PCDHGB2: variants seen among roughly 807,000 people sequenced by gnomAD.
The protein encoded by PCDHGB2 is protocadherin gamma subfamily B, 2.
In PCDHGB2, 55 loss-of-function variants were observed where a neutral mutation model predicts 59.3. The observed-to-expected ratio is 0.93, with a 90% confidence interval of 0.75 to 1.16. The LOEUF is 1.16. Among genes scored for constraint, PCDHGB2 ranks in the 50% most tolerant of loss-of-function variants. The pLI, the probability that PCDHGB2 is intolerant of heterozygous loss-of-function variation, is 0.00. For missense variants in PCDHGB2, 1,228 were observed against 1,198.5 expected (o/e 1.02, Z -0.36); for synonymous variants, 516 against 512.0 (o/e 1.01, Z -0.11).
intron 1 of PCDHGB2, chr5:141,478,489 C>G (rs779457709): frequency 5.6e-6 from 9 of 1,613,162 alleles, no homozygotes; most frequent in Middle Eastern, 1.6e-4. Flanking sequence ...CGCTGCGGAG[C>G]TGTGATCCGG....
chr5:141,410,817 ATGTCACCAGACTGAAGATATTTTGTCTT>A, intron 1 of PCDHGB2: 1 of 524,252 alleles, frequency 1.9e-6, no homozygotes, highest in Non-Finnish European at 3.1e-6. Flanking sequence ...TTGTAAAATA[ATGTCACCAGACTGAAGATATTTTGTCTT>A]TGTCTTTTTT....
rs552017054 is a variant in PCDHGB2 at position 141,425,594 on chromosome 5, A to G, written c.2421+63038A>G. On this transcript the variant is annotated intron_variant, in intron 1 of 3. Transcript: ENST00000522605. ...GGGTTTGGCTAACTTTATTCTGAAT[A>G]TGCCCTATATAGCTTTCAGTGCTCC... 2.6e-5 allele frequency among the ~76,000 whole-genome samples: 4 copies of G among 152,370 alleles called. No homozygotes were observed. In the South Asian group the frequency reaches 8.3e-4, roughly 32 times the overall value.
intron 1 of PCDHGB2, among the ~76,000 whole-genome samples, chr5:141,446,022 T>C (rs2098484874): frequency 1.3e-5 from 2 of 152,198 alleles, no homozygotes; most frequent in Admixed American, 1.3e-4. Flanking sequence ...TATGGCAATA[T>C]TCCTGGTAAG....
At position 141,362,582 on chromosome 5, in the gene PCDHGB2, C is replaced by T. The variant is rs1227713684; in HGVS notation, c.2421+26C>T. 3 of 1,600,324 alleles carry T rather than the reference C, an allele frequency of 1.9e-6. No individual in the cohort carries two copies. In the African/African-American group the frequency reaches 4.0e-5, roughly 22 times the overall value. On this transcript the variant is annotated intron_variant, in intron 1 of 3. Transcript: ENST00000522605. ...GTGAGCTTTAATTAATTTATTTTCA[C>T]TTCTGGTTTTATTGTTTCACCTAAT... is the stretch of plus-strand genomic sequence containing the variant.
intron 1 of PCDHGB2, chr5:141,388,663 C>G: frequency 1.9e-6 from 3 of 1,613,928 alleles, no homozygotes; most frequent in East Asian, 2.2e-5. Flanking sequence ...CCGGGGACCA[C>G]GGTGCTACAG....
At position 141,433,290 on chromosome 5, in the gene PCDHGB2, C is replaced by T. The variant is rs186668064; in HGVS notation, c.2422-61517C>T. ...CTCACTGCAGCCTCAAACTCCTAGG[C>T]TCAAGCAATTATCCCACCTTTGCCT... On this transcript the variant is annotated intron_variant, in intron 1 of 3. Transcript: ENST00000522605. The T allele has an allele frequency of 1.6e-3, 1,738 of 1,107,746 alleles. 60 individuals carry two copies. In the Admixed American group the frequency reaches 0.041, roughly 26 times the overall value. 68.6% of individuals were successfully genotyped at this position (1,107,746 alleles called of 1,614,324 possible). A position where few individuals can be genotyped will look rare whatever the true frequency, so the allele number is the denominator to read the frequency against.
intron 1 of PCDHGB2, chr5:141,404,669 A>G: frequency 1.9e-6 from 3 of 1,614,100 alleles, no homozygotes; most frequent in Non-Finnish European, 2.5e-6. Context: ...TGATGGTTCT[A>G]CTGGTGTGGA....
chr5:141,483,887 C>G (rs147069309), intron 1 of PCDHGB2, among the ~76,000 whole-genome samples: 13 of 152,036 alleles, frequency 8.6e-5, no homozygotes, highest in Non-Finnish European at 1.2e-4. Context: ...TTTTCTATTT[C>G]TCTGAGCTCT....
intron 2 of PCDHGB2, among the ~76,000 whole-genome samples, chr5:141,502,845 T>G (rs2099816267): frequency 6.8e-6 from 1 of 147,606 alleles, no homozygotes; most frequent in South Asian, 2.1e-4. Context: ...CTGGCTGAGC[T>G]GCCTAACCCT....
chr5:141,374,340 C>T, intron 1 of PCDHGB2: 1 of 1,614,016 alleles, frequency 6.2e-7, no homozygotes, highest in Non-Finnish European at 8.5e-7. Context: ...AGCTTGGTCA[C>T]CGCGGGTAGG....
rs1280755615 is a variant in PCDHGB2, at chr5:141,431,629, A to G, written c.2422-63178A>G. 1 of 1,614,246 alleles carries G rather than the reference A, an allele frequency of 6.2e-7. No individual in the cohort carries two copies. ...GGTATGTGGACGACAAGGCGGCCCA[A>G]GTTTTCAAACTAGATTGTAATTCAG... On this transcript the variant is annotated intron_variant, in intron 1 of 3. Transcript: ENST00000522605. The surrounding 1 kb of genome is among the most constrained non-coding windows in gnomAD (Gnocchi z 4.8).
intron 1 of PCDHGB2, chr5:141,370,922 G>C (rs563952977): frequency 6.2e-7 from 1 of 1,613,978 alleles, no homozygotes; most frequent in Admixed American, 1.7e-5. Context: ...GCCCTGATCC[G>C]CACTTCTCTT....
Position 141,403,122 on chromosome 5 carries a change from G to A in PCDHGB2, c.2421+40566G>A, listed in dbSNP as rs550510039. 4.3e-5 allele frequency: 69 copies of A among 1,613,932 alleles called. No individual in the cohort carries two copies. Among genetic ancestry groups the A allele is most frequent in the East Asian group, 8.9e-5 (4 of 44,898 alleles). ...TCCAAGGACCTGGCTCTGGAGCCCC[G>A]GGAGCTGGCGGAGCGCCGAGTCCGC... On this transcript the variant is annotated intron_variant, in intron 1 of 3. Transcript: ENST00000522605.
chr5:141,509,371 T>C (rs2099876508), intron 3 of PCDHGB2, among the ~76,000 whole-genome samples: 1 of 152,258 alleles, frequency 6.6e-6, no homozygotes, highest in South Asian at 2.1e-4. Context: ...AGGTTTTAAC[T>C]GTCTCCTAAC....
rs553276457 is a variant in PCDHGB2 at position 141,480,179 on chromosome 5, G to A, written c.2422-14628G>A. Among the ~76,000 whole-genome samples, 10 of 152,058 alleles carry A rather than the reference G, an allele frequency of 6.6e-5. No individual in the cohort carries two copies. In the South Asian group the frequency reaches 8.3e-4, roughly 13 times the overall value. On this transcript the variant is annotated intron_variant, in intron 1 of 3. Transcript: ENST00000522605. ...AGCATTTTGGGAGGCTGAGGCAGGC[G>A]GATTGCTTGAGGCCAGCAGTTCAAG... is the stretch of plus-strand genomic sequence containing the variant.
At chr5:141,442,708 A>C (rs2098338740) in intron 1 of PCDHGB2, among the ~76,000 whole-genome samples, 2 of 152,254 alleles carry the variant, frequency 1.3e-5, no homozygotes, top group Non-Finnish European at 2.9e-5. Context: ...AGTATCAGAC[A>C]TGCCAGAGCA....
chr5:141,494,546 G>A (rs984336435), intron 1 of PCDHGB2, among the ~76,000 whole-genome samples: 7 of 152,152 alleles, frequency 4.6e-5, no homozygotes, highest in African/African-American at 1.2e-4. Context: ...GGAGGAAGGG[G>A]CCATTTCTTT....
intron 1 of PCDHGB2, chr5:141,390,019 G>T (rs1047341984): frequency 1.9e-6 from 3 of 1,614,002 alleles, no homozygotes; most frequent in Non-Finnish European, 2.5e-6. Flanking sequence ...ATTGCCTTGC[G>T]CCTGCGACGC....
chr5:141,491,390 T>G lies in PCDHGB2; in HGVS notation c.2422-3417T>G. 1 of 1,614,130 alleles carries G rather than the reference T, an allele frequency of 6.2e-7. No individual in the cohort carries two copies. Among genetic ancestry groups the G allele is most frequent in the Admixed American group, 1.7e-5 (1 of 60,028 alleles). ...TTCACCTTTCTGTCAGCGAAGTGCC[T>G]TCAGGGAAACGCAGACGGGGACGGG... On this transcript the variant is annotated intron_variant, in intron 1 of 3. Transcript: ENST00000522605. The surrounding 1 kb of genome is among the most constrained non-coding windows in gnomAD (Gnocchi z 6.9).
Sources: allele counts gnomAD v4.1 joint callset (sites outside exome capture counted in the v4.1 genomes callset), GRCh38; gene constraint gnomAD v4.1.1; non-coding constraint Gnocchi (gnomAD v3.1); transcripts MANE v1.5; gene names NCBI Gene and HGNC (gene_info 2026-07-23, HGNC 2026-07-21).